ZNF350: variants seen among roughly 807,000 people sequenced by gnomAD.
ZNF350 encodes zinc finger protein 350.
In ZNF350, 5 loss-of-function variants were observed where a neutral mutation model predicts 13.1. The observed-to-expected ratio is 0.38, with a 90% CI of 0.20 to 0.80. The LOEUF (loss-of-function observed/expected upper bound fraction) is 0.80. Among genes scored for constraint, ZNF350 ranks in the 30% least tolerant of loss-of-function variants. ZNF350 has a pLI of 0.43. For synonymous variants in ZNF350, 199 were observed against 224.2 expected (o/e 0.89, Z 1.00); for missense variants, 534 against 644.2 (o/e 0.83, Z 1.85).
intron 2 of ZNF350, among the ~76,000 whole-genome samples, chr19:51,971,581 C>G (rs1346346958): frequency 6.6e-6 from 1 of 152,224 alleles, no homozygotes; most frequent in African/African-American, 2.4e-5. Context: ...CTCCCTGGTG[C>G]TGAGGTTATC....
At position 51,964,824 on chromosome 19, in the gene ZNF350, C is replaced by A; in HGVS notation, c.*30G>T. On this transcript the variant is annotated 3_prime_UTR_variant, in exon 5 of 5. Transcript: ENST00000243644. ...TAATGAACTACAAATTTTTGCTCAA[C>A]CCTTTTCCACATAGATCTGAGTTTT... The A allele has an allele frequency of 6.3e-7, 1 of 1,578,168 alleles. No individual in the cohort carries two copies. Among genetic ancestry groups the A allele is most frequent in the Non-Finnish European group, 8.6e-7 (1 of 1,160,290 alleles).
chr19:51,968,525 C>T, intron 4 of ZNF350, 53 bp downstream of exon 4: 1 of 1,529,110 alleles, frequency 6.5e-7, no homozygotes, highest in Non-Finnish European at 9.1e-7. Context: ...GCTGCCTTCT[C>T]TGACTGTCTA....
At chr19:51,969,719 C>T (rs974070809) in intron 2 of ZNF350, among the ~76,000 whole-genome samples, 1 of 152,128 alleles carries the variant, frequency 6.6e-6, no homozygotes, top group Non-Finnish European at 1.5e-5. Context: ...GTCCCAGCTA[C>T]TTGGGAGGCT....
intron 2 of ZNF350, chr19:51,974,126 A>G (rs1368633053): frequency 4.5e-6 from 2 of 445,206 alleles, no homozygotes; most frequent in African/African-American, 2.0e-5. Flanking sequence ...CCAGCCATGC[A>G]TGGTGTCACA....
intron 1 of ZNF350, among the ~76,000 whole-genome samples, chr19:51,975,961 T>C (rs2085882972): frequency 6.6e-6 from 1 of 152,240 alleles, no homozygotes; most frequent in African/African-American, 2.4e-5. Flanking sequence ...AAACTGTTTA[T>C]CATGAATGCA....
intron 4 of ZNF350, among the ~76,000 whole-genome samples, chr19:51,968,049 G>A (rs2085627827): frequency 6.6e-6 from 1 of 152,160 alleles, no homozygotes; most frequent in Admixed American, 6.5e-5. Context: ...ATGAGAAAAT[G>A]GAGAACGGGA....
At chr19:51,975,363 A>G (rs2085856007) in intron 1 of ZNF350, among the ~76,000 whole-genome samples, 2 of 138,526 alleles carry the variant, frequency 1.4e-5, no homozygotes, top group Non-Finnish European at 3.1e-5. Flanking sequence ...CGGGAGATGG[A>G]GGTTGCAGTG....
At chr19:51,970,256 T>C (rs1269715123) in intron 2 of ZNF350, among the ~76,000 whole-genome samples, 2 of 151,740 alleles carry the variant, frequency 1.3e-5, no homozygotes, top group Non-Finnish European at 2.9e-5. Flanking sequence ...AGAGATGGGG[T>C]TTCACTATGT....
intron 1 of ZNF350, among the ~76,000 whole-genome samples, chr19:51,980,479 C>T (rs1052159353): frequency 3.7e-4 from 57 of 152,196 alleles, no homozygotes; most frequent in Non-Finnish European, 2.8e-4. Flanking sequence ...GAACTGGACA[C>T]GCACAGCTGA....
rs937464806 is a variant in ZNF350, at chr19:51,976,654, G to T, written c.-171-2123C>A. On this transcript the variant is annotated intron_variant, in intron 1 of 4. Transcript: ENST00000243644. The surrounding 1 kb of genome is among the most constrained non-coding windows in gnomAD (Gnocchi z 4.5). ...TTCTGACTCAGGGTAACAAGGGAAA[G>T]AATTTGTCTATTGAAGAAAAACATT... is the stretch of plus-strand genomic sequence containing the variant. 1.3e-5 allele frequency: 2 copies of T among 152,184 alleles called. No homozygotes were observed. The highest frequency in any genetic ancestry group is 4.8e-5 in the African/African-American group (2 of 41,428). The allele number at this position is 152,184 out of a possible 1,614,324, so 9.4% of individuals were successfully genotyped here.
chr19:51,986,440 T>G (rs1016682007), intron 1 of ZNF350: 4 of 152,524 alleles, frequency 2.6e-5, no homozygotes, highest in Non-Finnish European at 5.9e-5. Context: ...AATTAAATCC[T>G]GAACCCGAAG....
rs148753740 is a variant in ZNF350, at chr19:51,965,208, C to T, written c.1245G>A (p.Ser415=). 31 of 1,614,058 alleles carry T rather than the reference C, an allele frequency of 1.9e-5. No individual in the cohort carries two copies. The highest frequency in any genetic ancestry group is 5.5e-5 in the South Asian group (5 of 91,084). ...GTATTCTCTTATGCTTAACCAGACA[C>T]GACATATACGCAAACGCTTTCCCAC... is the stretch of plus-strand genomic sequence containing the variant. The part of the protein sequence containing the change: ...NECGKAFAYM[S]CLVKHKRIHT... Residue 415 remains serine (S), a synonymous_variant, in exon 5 of 5, where the codon TCG becomes TCA. Transcript: ENST00000243644.
In ZNF350 at chr19:51,965,393, A is replaced by G. The variant is rs2122860690; in HGVS notation, c.1060T>C (p.Ser354Pro). The G allele has an allele frequency of 6.2e-7, 1 of 1,613,844 alleles. No homozygotes were observed. Among genetic ancestry groups the G allele is most frequent in the Middle Eastern group, 1.7e-4 (1 of 6,060 alleles). Residue 354 changes from serine to proline, a missense_variant, in exon 5 of 5, where the codon TCC (serine) becomes CCC (proline). Coordinates refer to ENST00000243644, the MANE Select transcript of ZNF350 (RefSeq NM_021632.4). ...TPFVCSECGK[S>P]CSQKSGLIKH... Reference sequence around the variant, plus strand: ...ATGAGACCTGATTTCTGAGAACAGGATTTTCCACATTCACTGCACACAAAG... The same window carrying G: ...ATGAGACCTGATTTCTGAGAACAGGGTTTTCCACATTCACTGCACACAAAG...
At chr19:51,977,450 C>T (rs1191377726) in intron 1 of ZNF350, among the ~76,000 whole-genome samples, 1 of 152,202 alleles carries the variant, frequency 6.6e-6, no homozygotes, top group Non-Finnish European at 1.5e-5. Context: ...CAGAACCATG[C>T]TGCTGGACAC....
Position 51,985,908 on chromosome 19 carries a change from G to A in ZNF350, c.-172+862C>T, listed in dbSNP as rs143201467. The stretch of plus-strand genomic sequence containing the variant: ...TGTAGTCCCAGCTACTCAGGAGGCT[G>A]AGGCAGGAGAATCGCTTGAACCCGG... On this transcript the variant is annotated intron_variant, in intron 1 of 4. Transcript: ENST00000243644. 7.9e-3 allele frequency among the ~76,000 whole-genome samples: 1,209 copies of A among 152,286 alleles called. 24 individuals carry two copies. Among genetic ancestry groups the A allele is most frequent in the Non-Finnish European group, 7.1e-3 (486 of 68,022 alleles).
chr19:51,970,317 C>G (rs1399596923), intron 2 of ZNF350, among the ~76,000 whole-genome samples: 2 of 152,074 alleles, frequency 1.3e-5, no homozygotes, highest in Non-Finnish European at 2.9e-5. Flanking sequence ...CCCACCTCAG[C>G]CTCCCAAAGT....
chr19:51,980,257 C>T (rs1244335129), intron 1 of ZNF350, among the ~76,000 whole-genome samples: 1 of 152,168 alleles, frequency 6.6e-6, no homozygotes, highest in Non-Finnish European at 1.5e-5. Flanking sequence ...GGTTGCATCC[C>T]TGGGCTATGG....
At chr19:51,974,568 A>G in intron 1 of ZNF350, 37 bp from the exon 2 acceptor site, 1 of 576,650 alleles carries the variant, frequency 1.7e-6, no homozygotes, top group South Asian at 2.4e-5. Context: ...TAAGTGGTAC[A>G]TTTTTTCCAG....
chr19:51,972,808 T>C (rs1350738164), intron 2 of ZNF350, among the ~76,000 whole-genome samples: 1 of 151,896 alleles, frequency 6.6e-6, no homozygotes, highest in Non-Finnish European at 1.5e-5. Flanking sequence ...AAAGAAAACT[T>C]TTTCTCTTTT....
Sources: allele counts gnomAD v4.1 joint callset (sites outside exome capture counted in the v4.1 genomes callset), GRCh38; gene constraint gnomAD v4.1.1; non-coding constraint Gnocchi (gnomAD v3.1); transcripts MANE v1.5; gene names NCBI Gene and HGNC (gene_info 2026-07-23, HGNC 2026-07-21).